PRKCA: variants seen among roughly 807,000 people sequenced by gnomAD.
PRKCA encodes protein kinase C alpha, also known as protein kinase C alpha type.
In PRKCA, 27 loss-of-function variants were observed where a neutral mutation model predicts 87.0. The ratio of observed to expected loss-of-function variants is 0.31; its 90% CI spans 0.23 to 0.43. PRKCA has a LOEUF of 0.43. PRKCA is among the 20% of genes least tolerant of loss of function. The pLI, the probability that PRKCA is intolerant of heterozygous loss-of-function variation, is 1.00. For missense variants in PRKCA, 518 were observed against 852.3 expected, an observed-to-expected ratio of 0.61 and a Z score of 4.88; for synonymous variants, 329 against 311.1, an observed-to-expected ratio of 1.06 and a Z score of -0.61.
At chr17:66,431,218 A>G (rs374422206) in intron 2 of PRKCA, among the ~76,000 whole-genome samples, 3 of 152,146 alleles carry the variant, frequency 2.0e-5, no homozygotes, top group East Asian at 1.9e-4. Context: ...TACTGGGTTT[A>G]TTGTTTTTGA....
chr17:66,485,578 C>G (rs1050985206), intron 2 of PRKCA, among the ~76,000 whole-genome samples: 2 of 152,148 alleles, frequency 1.3e-5, no homozygotes, highest in African/African-American at 4.8e-5. Flanking sequence ...CTTTGTTTTG[C>G]CTGCCATTTG....
intron 13 of PRKCA, among the ~76,000 whole-genome samples, chr17:66,765,804 T>G (rs577026164): frequency 6.6e-6 from 1 of 152,194 alleles, no homozygotes; most frequent in African/African-American, 2.4e-5. Context: ...TAACACTATT[T>G]TCCCTTTTAC....
rs75201194 is a variant in PRKCA, at chr17:66,722,004, G to A, written c.919-10684G>A. Reference sequence around the variant, plus strand: ...TCTATGATGATGAGATGGACCCACCGGGAGCCCTGGAGTAATGGTTCAGTT... The same window carrying A: ...TCTATGATGATGAGATGGACCCACCAGGAGCCCTGGAGTAATGGTTCAGTT... On this transcript the variant is annotated intron_variant, in intron 8 of 16. Coordinates refer to ENST00000413366, the MANE Select transcript of PRKCA (RefSeq NM_002737.3). Among the ~76,000 whole-genome samples the A allele has an allele frequency of 9.3e-3, 1,422 of 152,164 alleles. 34 individuals are homozygous for A. Among genetic ancestry groups the A allele is most frequent in the African/African-American group, 0.033 (1,369 of 41,518 alleles).
At chr17:66,510,481 T>C (rs1177715213) in intron 3 of PRKCA, among the ~76,000 whole-genome samples, 2 of 152,204 alleles carry the variant, frequency 1.3e-5, no homozygotes, top group Non-Finnish European at 2.9e-5. Context: ...TTTAGGGTGA[T>C]CATCCTTGAA....
chr17:66,557,806 C>G (rs141267841), intron 3 of PRKCA, among the ~76,000 whole-genome samples: 1 of 152,234 alleles, frequency 6.6e-6, no homozygotes, highest in African/African-American at 2.4e-5. Context: ...TCCATCTGGG[C>G]AGATTTTCTA....
At chr17:66,626,385 A>G (rs1305315700) in intron 3 of PRKCA, among the ~76,000 whole-genome samples, 11 of 145,092 alleles carry the variant, frequency 7.6e-5, no homozygotes, top group African/African-American at 2.8e-4. Context: ...TTTTTGAGAC[A>G]GAGTCTCACT....
At chr17:66,530,101 G>A (rs1050517209) in intron 3 of PRKCA, among the ~76,000 whole-genome samples, 3 of 152,202 alleles carry the variant, frequency 2.0e-5, no homozygotes, top group African/African-American at 7.2e-5. Context: ...CCTGCCCCAT[G>A]TTCAGTGTTC....
chr17:66,721,168 G>T (rs536580636), intron 8 of PRKCA, among the ~76,000 whole-genome samples: 1 of 152,004 alleles, frequency 6.6e-6, no homozygotes, highest in Non-Finnish European at 1.5e-5. Context: ...AGGCCGAGGC[G>T]GGCGGATCAT....
intron 3 of PRKCA, among the ~76,000 whole-genome samples, chr17:66,563,810 C>G (rs8065647): frequency 2.0e-5 from 3 of 152,144 alleles, no homozygotes; most frequent in Non-Finnish European, 4.4e-5. Flanking sequence ...ACTGTCTGTG[C>G]AGAGGTACGT....
At chr17:66,760,107 C>T (rs1037514149) in intron 13 of PRKCA, among the ~76,000 whole-genome samples, 7 of 152,206 alleles carry the variant, frequency 4.6e-5, no homozygotes, top group Admixed American at 3.3e-4. Context: ...GAATAACATA[C>T]ATTCTTCACA....
At chr17:66,629,109 T>A (rs1228345583) in intron 3 of PRKCA, among the ~76,000 whole-genome samples, 2 of 152,180 alleles carry the variant, frequency 1.3e-5, no homozygotes, top group East Asian at 3.8e-4. Context: ...CTGGAAGTAA[T>A]GAGGAGTCAG....
rs1032576678 is a variant in PRKCA at position 66,654,514 on chromosome 17, C to T, written c.529+9003C>T. ...CCTGCCCAGCTGCCTCTAGCACACA[C>T]GCATGCCCTTCCCACTATTGTAAGC... On this transcript the variant is annotated intron_variant, in intron 5 of 16. Coordinates refer to ENST00000413366, the MANE Select transcript of PRKCA (RefSeq NM_002737.3). 5.9e-5 allele frequency among the ~76,000 whole-genome samples: 9 copies of T among 152,218 alleles called. 1 individual carries two copies. The highest frequency in any genetic ancestry group is 2.2e-4 in the African/African-American group (9 of 41,466).
intron 8 of PRKCA, among the ~76,000 whole-genome samples, chr17:66,712,503 TGA>T (rs776655581): frequency 2.6e-5 from 4 of 152,080 alleles, no homozygotes; most frequent in Non-Finnish European, 5.9e-5. Flanking sequence ...AGGGAAGTAA[TGA>T]GAGGGGAGAA....
chr17:66,512,457 A>AGTGTGTGTGTGTGTGTGT (rs71160573), intron 3 of PRKCA, among the ~76,000 whole-genome samples: 5 of 144,472 alleles, frequency 3.5e-5, no homozygotes, highest in East Asian at 4.3e-4. Context: ...CAACAAAAAA[A>AGTGTGTGTGTGTGTGTGT]GTGTGTGTGT....
At chr17:66,449,379 C>T (rs1359705318) in intron 2 of PRKCA, among the ~76,000 whole-genome samples, 1 of 151,756 alleles carries the variant, frequency 6.6e-6, no homozygotes, top group Non-Finnish European at 1.5e-5. Context: ...TTTGGTAACT[C>T]CTTAGCTATA....
chr17:66,574,754 A>G (rs1009925459), intron 3 of PRKCA, among the ~76,000 whole-genome samples: 1 of 151,874 alleles, frequency 6.6e-6, no homozygotes, highest in African/African-American at 2.4e-5. Context: ...AATTCCAAGC[A>G]CTTCTGGTCC....
intron 3 of PRKCA, among the ~76,000 whole-genome samples, chr17:66,552,355 T>A (rs1968362483): frequency 6.6e-6 from 1 of 152,216 alleles, no homozygotes; most frequent in South Asian, 2.1e-4. Flanking sequence ...GTCCCTAAAA[T>A]GTCGTGGCTT....
At chr17:66,427,149 A>G (rs1912856166) in intron 2 of PRKCA, among the ~76,000 whole-genome samples, 2 of 152,082 alleles carry the variant, frequency 1.3e-5, no homozygotes, top group Non-Finnish European at 2.9e-5. Flanking sequence ...CTCCCACCTC[A>G]GCCTCCTAAG....
chr17:66,538,471 G>A (rs1231622854), intron 3 of PRKCA, among the ~76,000 whole-genome samples: 1 of 151,808 alleles, frequency 6.6e-6, no homozygotes, highest in African/African-American at 2.4e-5. Context: ...CACCAGGGAG[G>A]TGATGTTTTC....
Sources: allele counts gnomAD v4.1 joint callset (sites outside exome capture counted in the v4.1 genomes callset), GRCh38; gene constraint gnomAD v4.1.1; transcripts MANE v1.5; gene names NCBI Gene and HGNC (gene_info 2026-07-23, HGNC 2026-07-21).